Variants in ARL13B observed in about 807,000 individuals in gnomAD.
ARL13B encodes ADP-ribosylation factor-like protein 13B.
Under a neutral mutation model 56.1 loss-of-function variants are expected in ARL13B, and 36 were observed. That is an observed-to-expected ratio of 0.64 (90% CI 0.49 to 0.85). The LOEUF (loss-of-function observed/expected upper bound fraction) is 0.85. Among genes scored for constraint, ARL13B ranks in the 40% least tolerant of loss-of-function variants. The pLI, the probability that ARL13B is intolerant of heterozygous loss-of-function variation, is 0.00. For synonymous variants in ARL13B, 178 were observed against 171.1 expected (o/e 1.04, Z -0.32); for missense variants, 519 against 507.1 (o/e 1.02, Z -0.23).
At chr3:94,014,423 G>C (rs1422777342) in intron 3 of ARL13B, 1 of 1,577,546 alleles carries the variant, frequency 6.3e-7, no homozygotes, top group Non-Finnish European at 8.6e-7. Flanking sequence ...CAACAACACA[G>C]TACTCTGCAA....
intron 3 of ARL13B, among the ~76,000 whole-genome samples, chr3:94,031,930 G>A (rs1050088278): frequency 1.2e-4 from 18 of 152,076 alleles, no homozygotes; most frequent in Non-Finnish European, 2.6e-4. Context: ...AATTAACTCA[G>A]GGTGCATTAA....
chr3:94,028,015 TA>T (rs2076593104), intron 3 of ARL13B, among the ~76,000 whole-genome samples: 1 of 152,132 alleles, frequency 6.6e-6, no homozygotes, highest in African/African-American at 2.4e-5. Flanking sequence ...TTCTCTAAAG[TA>T]AGCACATTCA....
chr3:94,047,392 G>A (rs1295237166), intron 7 of ARL13B, among the ~76,000 whole-genome samples: 1 of 152,180 alleles, frequency 6.6e-6, no homozygotes, highest in Admixed American at 6.5e-5. Flanking sequence ...TGGTCGCTAA[G>A]TTTTTGAATA....
At chr3:93,982,979 A>G (rs1407362069) in intron 1 of ARL13B, among the ~76,000 whole-genome samples, 1 of 152,142 alleles carries the variant, frequency 6.6e-6, no homozygotes, top group Admixed American at 6.6e-5. Flanking sequence ...CTGTTTGATT[A>G]TTATGTATAT....
intron 1 of ARL13B, among the ~76,000 whole-genome samples, chr3:93,983,854 A>G (rs1575919885): frequency 6.6e-6 from 1 of 152,294 alleles, no homozygotes; most frequent in East Asian, 1.9e-4. Flanking sequence ...ACACTTGAAC[A>G]ACGCAGGGTT....
rs1559997742 is a variant in ARL13B at position 94,029,336 on chromosome 3, T to TA, written c.381-5995_381-5994insA. ...TATATATATATATATATATATATATTTATTTTTTTTTTATTTTTTTTTTTT... is the reference window on the plus strand; with the variant it reads ...TATATATATATATATATATATATATTATATTTTTTTTTTATTTTTTTTTTTT... On this transcript the variant is annotated intron_variant, in intron 3 of 9. Coordinates refer to ENST00000394222, the MANE Select transcript of ARL13B (RefSeq NM_001174150.2). Among the ~76,000 whole-genome samples the TA allele has an allele frequency of 3.4e-4, 16 of 47,130 alleles. No homozygotes were observed. The East Asian group carries it at 4.9e-3, about 14-fold the overall frequency. The allele number at this position is 47,130 out of a possible 152,430, so 30.9% of individuals were successfully genotyped here. A position where few individuals can be genotyped will look rare whatever the true frequency, so the allele number is the denominator to read the frequency against.
intron 2 of ARL13B, 101 bp downstream of exon 2, chr3:93,996,045 C>T: frequency 1.7e-6 from 2 of 1,143,346 alleles, no homozygotes; most frequent in Non-Finnish European, 2.6e-6. Flanking sequence ...GGTACAGATA[C>T]TGTGCACTGC....
intron 1 of ARL13B, among the ~76,000 whole-genome samples, chr3:93,988,109 A>G (rs747661002): frequency 4.6e-5 from 7 of 152,096 alleles, no homozygotes; most frequent in African/African-American, 1.2e-4. Context: ...CAAATTTTCA[A>G]TCTTTCACAG....
At chr3:94,038,614 C>G (rs1261744286) in intron 5 of ARL13B, among the ~76,000 whole-genome samples, 4 of 147,926 alleles carry the variant, frequency 2.7e-5, no homozygotes, top group African/African-American at 7.6e-5. Context: ...ACCTCCGTCT[C>G]CCAGGTTCAA....
intron 3 of ARL13B, chr3:94,015,230 C>A: frequency 6.3e-7 from 1 of 1,580,270 alleles, no homozygotes; most frequent in Middle Eastern, 1.7e-4. Flanking sequence ...AGTTCAATTT[C>A]CTTTGTTCTC....
At chr3:94,022,902 A>G (rs1254392985) in intron 3 of ARL13B, among the ~76,000 whole-genome samples, 1 of 152,068 alleles carries the variant, frequency 6.6e-6, no homozygotes, top group Non-Finnish European at 1.5e-5. Flanking sequence ...TCACTAATTC[A>G]TTCTAAAACT....
intron 3 of ARL13B, among the ~76,000 whole-genome samples, chr3:94,004,679 G>C (rs952394865): frequency 6.6e-6 from 1 of 151,142 alleles, no homozygotes; most frequent in African/African-American, 2.4e-5. Context: ...AAAAATTGTA[G>C]AGTTTCTCAG....
intron 3 of ARL13B, among the ~76,000 whole-genome samples, chr3:94,016,440 T>C (rs1490897689): frequency 6.6e-6 from 1 of 151,638 alleles, no homozygotes; most frequent in Non-Finnish European, 1.5e-5. Flanking sequence ...TGGAGGAATC[T>C]TTAGTATGTT....
chr3:93,988,362 A>T (rs746411407), intron 1 of ARL13B, among the ~76,000 whole-genome samples: 1 of 152,168 alleles, frequency 6.6e-6, no homozygotes, highest in Non-Finnish European at 1.5e-5. Context: ...CTAAGCCCCC[A>T]TCTGTGGAAT....
At chr3:93,980,709 G>A (rs1210477749) in intron 1 of ARL13B, among the ~76,000 whole-genome samples, 1 of 150,584 alleles carries the variant, frequency 6.6e-6, no homozygotes, top group African/African-American at 2.5e-5. Context: ...TTTTAAATAG[G>A]TTTGAATTTG....
At chr3:94,026,364 C>G (rs542425800) in intron 3 of ARL13B, among the ~76,000 whole-genome samples, 1 of 152,290 alleles carries the variant, frequency 6.6e-6, no homozygotes, top group East Asian at 1.9e-4. Flanking sequence ...TGCATTTTGA[C>G]TGAAAGTCAC....
intron 1 of ARL13B, 102 bp downstream of exon 1, chr3:93,980,584 A>G (rs1710164111): frequency 7.1e-7 from 1 of 1,409,944 alleles, no homozygotes. Context: ...AGTCTATCCC[A>G]GGCCGCAAGG....
intron 3 of ARL13B, among the ~76,000 whole-genome samples, chr3:94,017,006 A>G (rs2076347432): frequency 6.6e-6 from 1 of 152,202 alleles, no homozygotes; most frequent in Non-Finnish European, 1.5e-5. Flanking sequence ...TAATAGTCTG[A>G]TGTATGGATA....
intron 6 of ARL13B, 42 bp from the exon 7 acceptor site, chr3:94,042,972 TA>T: frequency 6.7e-7 from 1 of 1,496,526 alleles, no homozygotes; most frequent in Non-Finnish European, 9.1e-7. Flanking sequence ...CTATCTTAGA[TA>T]AAACCATCAT....
Sources: gnomAD v4.1 joint callset for allele counts (sites outside exome capture counted in the v4.1 genomes callset) on GRCh38, gnomAD v4.1.1 for gene constraint, MANE v1.5 for transcripts, NCBI Gene and HGNC (gene_info 2026-07-23, HGNC 2026-07-21) for gene names.